The following CLTC variants were observed in gnomAD, a reference collection of about 807,000 sequenced individuals.
CLTC encodes clathrin heavy chain, also known as clathrin heavy chain 1.
Under a neutral mutation model 195.8 loss-of-function variants are expected in CLTC, and 16 were observed. The observed-to-expected ratio is 0.08, with a 90% CI of 0.06 to 0.12. CLTC has a LOEUF of 0.12. Ranked by LOEUF, CLTC falls within the 10% of genes least tolerant of loss-of-function variation. CLTC has a pLI of 1.00. For synonymous variants in CLTC, 667 were observed against 689.4 expected (o/e 0.97, Z 0.51); for missense variants, 796 against 2,027.0 (o/e 0.39, Z 11.66).
At chr17:59,661,017 C>A (rs2032595259) in intron 7 of CLTC, among the ~76,000 whole-genome samples, 1 of 152,080 alleles carries the variant, frequency 6.6e-6, no homozygotes, top group Admixed American at 6.6e-5. Flanking sequence ...TTATGGTGGA[C>A]TGAATTAACA....
At position 59,666,707 on chromosome 17, in the gene CLTC, GT is replaced by G; in HGVS notation, c.1947+66del. 1 of 1,559,044 alleles carries G rather than the reference GT, an allele frequency of 6.4e-7. No homozygotes were observed. The highest frequency in any genetic ancestry group is 8.8e-7 in the Non-Finnish European group (1 of 1,142,594). On this transcript the variant is annotated intron_variant, in intron 12 of 31. Transcript: ENST00000269122. The surrounding 1 kb of genome is among the most constrained non-coding windows in gnomAD (Gnocchi z 4.9). ...TGATTAATAGGTACACTGAAAATGT[GT>G]TTGTGGTACTAAATATTAATAATTT...
Position 59,685,320 on chromosome 17 carries a change from G to C in CLTC, c.4605+94G>C. ...CTATAAATAAAAGTATTGGTTTTGTGAATATGAGAGCTGACTTTAAGGCAA... is the reference window on the plus strand; with the variant it reads ...CTATAAATAAAAGTATTGGTTTTGTCAATATGAGAGCTGACTTTAAGGCAA... On this transcript the variant is annotated intron_variant, in intron 29 of 31. Coordinates refer to ENST00000269122, the MANE Select transcript of CLTC (RefSeq NM_004859.4). The surrounding 1 kb of genome is among the most constrained non-coding windows in gnomAD (Gnocchi z 5.0). 5.6e-6 allele frequency: 7 copies of C among 1,241,338 alleles called. No homozygotes were observed. The highest frequency in any genetic ancestry group is 7.6e-6 in the Non-Finnish European group (7 of 915,774). 76.9% of individuals were successfully genotyped at this position (1,241,338 alleles called of 1,614,324 possible).
chr17:59,669,014 C>A, intron 14 of CLTC, 74 bp downstream of exon 14: 1 of 1,359,896 alleles, frequency 7.4e-7, no homozygotes, highest in South Asian at 1.5e-5. Flanking sequence ...GGTCATAGTT[C>A]AAAAATATTT....
At chr17:59,663,783 A>C (rs1323028805) in intron 8 of CLTC, 59 bp from the exon 9 acceptor site, 1 of 1,470,610 alleles carries the variant, frequency 6.8e-7, no homozygotes, top group Admixed American at 2.0e-5. Context: ...CATAGTGTCA[A>C]CTGCTCATTT....
chr17:59,661,316 T>C, intron 7 of CLTC, 127 bp from the exon 8 acceptor site: 1 of 700,266 alleles, frequency 1.4e-6, no homozygotes, highest in Non-Finnish European at 2.5e-6. Flanking sequence ...TTCATTCCTT[T>C]AAGATTGACC....
At chr17:59,649,192 A>G (rs1255228833) in intron 4 of CLTC, among the ~76,000 whole-genome samples, 2 of 152,174 alleles carry the variant, frequency 1.3e-5, no homozygotes, top group Non-Finnish European at 1.5e-5. Flanking sequence ...ACAGCTGGGG[A>G]GGCTGTAAAA....
intron 8 of CLTC, 63 bp from the exon 9 acceptor site, chr17:59,663,779 G>A: frequency 7.0e-7 from 1 of 1,421,676 alleles, no homozygotes; most frequent in Non-Finnish European, 9.7e-7. Context: ...TGGACATAGT[G>A]TCAACTGCTC....
intron 1 of CLTC, among the ~76,000 whole-genome samples, chr17:59,639,803 T>A (rs1346875204): frequency 1.4e-5 from 2 of 142,654 alleles, no homozygotes; most frequent in Non-Finnish European, 3.0e-5. Flanking sequence ...ACCTGTCTCT[T>A]AAAAAAAAAA....
intron 1 of CLTC, among the ~76,000 whole-genome samples, chr17:59,638,900 C>T (rs1296393100): frequency 2.0e-5 from 3 of 152,168 alleles, no homozygotes; most frequent in East Asian, 3.8e-4. Flanking sequence ...TTACTCCCCA[C>T]CTCCCCCTGT....
intron 4 of CLTC, among the ~76,000 whole-genome samples, chr17:59,650,643 A>G (rs190222482): frequency 1.3e-5 from 2 of 152,068 alleles, no homozygotes; most frequent in African/African-American, 4.8e-5. Flanking sequence ...AAATGCATTT[A>G]TCTTAAAATA....
chr17:59,682,595 T>A lies in CLTC; in HGVS notation c.3601-34T>A, dbSNP rs1456057529. The A allele has an allele frequency of 6.2e-7, 1 of 1,610,616 alleles. No homozygotes were observed. Among genetic ancestry groups the A allele is most frequent in the Non-Finnish European group, 8.5e-7 (1 of 1,177,590 alleles). Reference sequence around the variant, plus strand: ...AAAGAGGATTAAGCTCACACTAATATCTTGCTGAATGTGGGTTACCTTTTT... The same window carrying A: ...AAAGAGGATTAAGCTCACACTAATAACTTGCTGAATGTGGGTTACCTTTTT... On this transcript the variant is annotated intron_variant, in intron 22 of 31. Transcript: ENST00000269122. The surrounding 1 kb of genome is among the most constrained non-coding windows in gnomAD (Gnocchi z 6.8).
intron 18 of CLTC, among the ~76,000 whole-genome samples, chr17:59,680,466 A>C (rs1264993643): frequency 1.3e-5 from 2 of 152,206 alleles, no homozygotes; most frequent in Non-Finnish European, 2.9e-5. Context: ...TTCCTTTCCT[A>C]GGAAGCACTT....
chr17:59,619,967 CG>C lies in CLTC; in HGVS notation c.-164del. 1 of 622,188 alleles carries C rather than the reference CG, an allele frequency of 1.6e-6. No individual in the cohort carries two copies. Among genetic ancestry groups the C allele is most frequent in the African/African-American group, 1.8e-5 (1 of 54,596 alleles). The allele number at this position is 622,188 out of a possible 1,614,324, so 38.5% of individuals were successfully genotyped here. A position where few individuals can be genotyped will look rare whatever the true frequency, so the allele number is the denominator to read the frequency against. On this transcript the variant is annotated 5_prime_UTR_variant, in exon 1 of 32. Coordinates refer to ENST00000269122, the MANE Select transcript of CLTC (RefSeq NM_004859.4). ...TCCTGGCCCCTGGAGCCTCCGCCCCCGACCCGAGCTCTTTCGTCTGCCTGCC... is the reference window on the plus strand; with the variant it reads ...TCCTGGCCCCTGGAGCCTCCGCCCCCACCCGAGCTCTTTCGTCTGCCTGCC...
At chr17:59,657,903 A>T (rs927809600) in intron 6 of CLTC, among the ~76,000 whole-genome samples, 1 of 151,310 alleles carries the variant, frequency 6.6e-6, no homozygotes, top group Non-Finnish European at 1.5e-5. Context: ...TAAAAAAATA[A>T]AAAAAAAGAC....
At chr17:59,692,134 T>C (rs532227240) in intron 31 of CLTC, among the ~76,000 whole-genome samples, 2 of 152,230 alleles carry the variant, frequency 1.3e-5, no homozygotes, top group South Asian at 4.2e-4. Flanking sequence ...CTGGCCAACA[T>C]GGTGAAACCC....
In CLTC at chr17:59,648,106, G is replaced by T; in HGVS notation, c.520-134G>T. The T allele has an allele frequency of 1.2e-6, 1 of 829,876 alleles. No individual in the cohort carries two copies. Among genetic ancestry groups the T allele is most frequent in the Non-Finnish European group, 1.9e-6 (1 of 539,842 alleles). The allele number at this position is 829,876 out of a possible 1,614,324, so 51.4% of individuals were successfully genotyped here. On this transcript the variant is annotated intron_variant, in intron 3 of 31. Transcript: ENST00000269122. The surrounding 1 kb of genome is among the most constrained non-coding windows in gnomAD (Gnocchi z 4.5). ...TAAGTTAAGAAGTATCAAATCTACA[G>T]TGAGAGATGAAGTGACAAATAATTA...
chr17:59,647,679 C>T lies in CLTC; in HGVS notation c.519+13C>T. On this transcript the variant is annotated intron_variant, in intron 3 of 31. Transcript: ENST00000269122. Reference sequence around the variant, plus strand: ...TATATCTGCACAGGTAACATTTTAACTATTTTTTTATGAAGAAGAGGTTTA... The same window carrying T: ...TATATCTGCACAGGTAACATTTTAATTATTTTTTTATGAAGAAGAGGTTTA... 6.2e-7 allele frequency: 1 copy of T among 1,609,230 alleles called. No individual in the cohort carries two copies. Among genetic ancestry groups the T allele is most frequent in the South Asian group, 1.1e-5 (1 of 90,798 alleles).
intron 18 of CLTC, among the ~76,000 whole-genome samples, chr17:59,680,250 A>G (rs2033055796): frequency 6.6e-6 from 1 of 152,136 alleles, no homozygotes; most frequent in African/African-American, 2.4e-5. Flanking sequence ...AGAAAATACA[A>G]AAGACCAAGT....
At chr17:59,675,417 G>A (rs9911334) in intron 16 of CLTC, among the ~76,000 whole-genome samples, 1,948 of 152,242 alleles carry the variant, frequency 0.013, 36 homozygotes, top group African/African-American at 0.044. Context: ...CTAGTGTTTA[G>A]GAAGTACTGA....
Sources: gnomAD v4.1 joint callset for allele counts (sites outside exome capture counted in the v4.1 genomes callset) on GRCh38, gnomAD v4.1.1 for gene constraint, Gnocchi (gnomAD v3.1) non-coding constraint, MANE v1.5 for transcripts, NCBI Gene and HGNC (gene_info 2026-07-23, HGNC 2026-07-21) for gene names.